MAP6: variants seen among roughly 807,000 people sequenced by gnomAD.
The protein encoded by MAP6 is microtubule-associated protein 6.
MAP6 carries 26 observed loss-of-function variants against 42.4 expected under a neutral mutation model. The observed-to-expected ratio is 0.61, with a 90% CI of 0.45 to 0.85. MAP6 has a LOEUF of 0.85. Among genes scored for constraint, MAP6 ranks in the 40% least tolerant of loss-of-function variants. The pLI is 0.00. For synonymous variants in MAP6, 418 were observed against 443.8 expected (o/e 0.94, Z 0.73); for missense variants, 966 against 1,099.0 (o/e 0.88, Z 1.71).
chr11:75,623,791 C>T (rs1943152248), intron 1 of MAP6, among the ~76,000 whole-genome samples: 1 of 152,186 alleles, frequency 6.6e-6, no homozygotes, highest in Admixed American at 6.5e-5. Context: ...CTCACTGCAA[C>T]TTCTGCCTCC....
In MAP6 at chr11:75,587,926, T is replaced by C; in HGVS notation, c.1575A>G (p.Pro525=). Reference sequence around the variant, plus strand: ...GGACCGAGGGACCTTGGTCCTTGACTGGTGCTGAGATAACAGGGCTTTCAT... The same window carrying C: ...GGACCGAGGGACCTTGGTCCTTGACCGGTGCTGAGATAACAGGGCTTTCAT... ...LKNESPVISA[P]VKDQGPSVPV... Residue 525 remains proline (P), a synonymous_variant, in exon 4 of 4, where the codon CCA becomes CCG. Coordinates refer to ENST00000304771, the MANE Select transcript of MAP6 (RefSeq NM_033063.2). The C allele has an allele frequency of 6.2e-7, 1 of 1,614,090 alleles. No homozygotes were observed. The highest frequency in any genetic ancestry group is 1.3e-5 in the African/African-American group (1 of 75,030).
At chr11:75,663,126 TAATTTTTTGTATTTTTAGTAC>T (rs1943885372) in intron 1 of MAP6, among the ~76,000 whole-genome samples, 3 of 151,944 alleles carry the variant, frequency 2.0e-5, no homozygotes, top group Non-Finnish European at 4.4e-5. Context: ...CACGCCCGGC[TAATTTTTTGTATTTTTAGTAC>T]AATTTTTTGT....
chr11:75,597,247 A>G (rs927869260), intron 3 of MAP6: 6 of 152,078 alleles, frequency 3.9e-5, no homozygotes, highest in African/African-American at 1.4e-4. Flanking sequence ...TTTCCCTGCC[A>G]CTCTGGGTTC....
chr11:75,662,258 TACCTC>T (rs1943864635), intron 1 of MAP6, among the ~76,000 whole-genome samples: 1 of 152,140 alleles, frequency 6.6e-6, no homozygotes. Flanking sequence ...ATTCAATACT[TACCTC>T]ACTCCATTCA....
Position 75,667,546 on chromosome 11 carries a change from G to C in MAP6, c.824C>G (p.Ala275Gly). 6.7e-7 allele frequency: 1 copy of C among 1,488,140 alleles called. No individual in the cohort carries two copies. The highest frequency in any genetic ancestry group is 8.9e-7 in the Non-Finnish European group (1 of 1,126,996). 92.2% of individuals were successfully genotyped at this position (1,488,140 alleles called of 1,614,324 possible). The change falls in exon 1 of 4, where the codon GCT (alanine) becomes GGT (glycine). Residue 275 changes from alanine to glycine, a missense_variant. By Grantham distance (60) the Ala-to-Gly change is moderately conservative. Transcript: ENST00000304771. This position sits in a 1 kb window ranked among gnomAD's most constrained non-coding sequence, Gnocchi z 5.6. ...GTCCGCCGCGGCGCGCCCCCTGCCA[G>C]CCTCGGGGCCGGTGGCCTGGACCTG... ...QAQVQATGPEAGRGRAAADAL... is the reference protein window; with the variant it reads ...QAQVQATGPEGGRGRAAADAL...
intron 1 of MAP6, among the ~76,000 whole-genome samples, chr11:75,633,421 T>C (rs1490812870): frequency 6.6e-6 from 1 of 152,200 alleles, no homozygotes; most frequent in East Asian, 1.9e-4. Context: ...CACTCATTAA[T>C]TTGTTTAACA....
rs41464948 is a variant in MAP6, at chr11:75,616,667, G to T, written c.906-8345C>A. 0.016 allele frequency among the ~76,000 whole-genome samples: 2,423 copies of T among 152,302 alleles called. 243 individuals carry two copies. In the East Asian group the frequency reaches 0.27, roughly 17 times the overall value. Reference sequence around the variant, plus strand: ...AGAGAGCTTCTGTCTCCTTTTAGAAGGTAGTGGAAGATTGCTTTCTCCTGG... The same window carrying T: ...AGAGAGCTTCTGTCTCCTTTTAGAATGTAGTGGAAGATTGCTTTCTCCTGG... On this transcript the variant is annotated intron_variant, in intron 1 of 3. Coordinates refer to ENST00000304771, the MANE Select transcript of MAP6 (RefSeq NM_033063.2).
chr11:75,588,882 T>C (rs1942423847), intron 3 of MAP6, among the ~76,000 whole-genome samples: 1 of 152,214 alleles, frequency 6.6e-6, no homozygotes, highest in Admixed American at 6.5e-5. Context: ...GGGGCCTCAC[T>C]ATGTCACCTA....
intron 1 of MAP6, among the ~76,000 whole-genome samples, chr11:75,632,860 G>A (rs995663170): frequency 2.6e-5 from 4 of 152,088 alleles, no homozygotes; most frequent in African/African-American, 9.7e-5. Flanking sequence ...AATTTTTACA[G>A]ATGGAAAAAA....
rs1319084132 is a variant in MAP6, at chr11:75,667,300, A to G, written c.905+165T>C. On this transcript the variant is annotated intron_variant, in intron 1 of 3. Transcript: ENST00000304771. The surrounding 1 kb of genome is among the most constrained non-coding windows in gnomAD (Gnocchi z 5.6). ...TTGCGCATGGGACAGGGCAGAAGAG[A>G]AGGCTTCGACAGGAGGTGGCCTGGG... is the stretch of plus-strand genomic sequence containing the variant. Among the ~76,000 whole-genome samples the G allele has an allele frequency of 6.6e-6, 1 of 152,082 alleles. No homozygotes were observed. The highest frequency in any genetic ancestry group is 2.4e-5 in the African/African-American group (1 of 41,422).
At position 75,668,466 on chromosome 11, in the gene MAP6, G is replaced by A; in HGVS notation, c.-97C>T. 1 of 1,395,714 alleles carries A rather than the reference G, an allele frequency of 7.2e-7. No homozygotes were observed. Among genetic ancestry groups the A allele is most frequent in the Non-Finnish European group, 9.3e-7 (1 of 1,075,056 alleles). 86.5% of individuals were successfully genotyped at this position (1,395,714 alleles called of 1,614,324 possible). Reference sequence around the variant, plus strand: ...GCCTCCGATCCTGACCGGCCAATGTGGTTCCCACCGTTTTCTACCCCCGAT... The same window carrying A: ...GCCTCCGATCCTGACCGGCCAATGTAGTTCCCACCGTTTTCTACCCCCGAT... On this transcript the variant is annotated 5_prime_UTR_variant, in exon 1 of 4. Coordinates refer to ENST00000304771, the MANE Select transcript of MAP6 (RefSeq NM_033063.2).
Position 75,667,929 on chromosome 11 carries a change from G to A in MAP6, c.441C>T (p.Asp147=), listed in dbSNP as rs1381889667. Residue 147 remains aspartate (D), a synonymous_variant, in exon 1 of 4, where the codon GAC becomes GAT. Transcript: ENST00000304771. The surrounding 1 kb of genome is among the most constrained non-coding windows in gnomAD (Gnocchi z 5.6). ...ACTGGGTCTCGCGCTCGAAGGGAGC[G>A]TCGGAGGGCTGGTATTCGCTGCGCG... ...CRPRSEYQPS[D]APFERETQYQ... 3.6e-6 allele frequency: 5 copies of A among 1,391,284 alleles called. No homozygotes were observed. The highest frequency in any genetic ancestry group is 1.5e-5 in the African/African-American group (1 of 67,336). The allele number at this position is 1,391,284 out of a possible 1,614,324, so 86.2% of individuals were successfully genotyped here. A position where few individuals can be genotyped will look rare whatever the true frequency, so the allele number is the denominator to read the frequency against.
intron 1 of MAP6, among the ~76,000 whole-genome samples, chr11:75,608,881 C>T (rs1336062754): frequency 6.6e-6 from 1 of 152,184 alleles, no homozygotes; most frequent in Non-Finnish European, 1.5e-5. Context: ...TCTTGGAGGG[C>T]CAGAACTTTA....
intron 1 of MAP6, among the ~76,000 whole-genome samples, chr11:75,659,283 A>T (rs1273709077): frequency 6.6e-6 from 1 of 152,158 alleles, no homozygotes; most frequent in Admixed American, 6.5e-5. Flanking sequence ...GGAGTTCGAG[A>T]CCAGCCTGAC....
intron 3 of MAP6, chr11:75,605,568 G>A (rs1942746828): frequency 3.8e-6 from 5 of 1,299,808 alleles, no homozygotes; most frequent in Middle Eastern, 3.0e-4. Flanking sequence ...CACAGCCAGC[G>A]GCAACGCTTC....
chr11:75,637,846 GGGAAGGAAGGAA>G (rs922127980), intron 1 of MAP6, among the ~76,000 whole-genome samples: 13 of 141,602 alleles, frequency 9.2e-5, no homozygotes, highest in African/African-American at 2.9e-4. Context: ...GAAGGAGGGA[GGGAAGGAAGGAA>G]GGAGGGAGGG....
At chr11:75,607,481 A>T (rs1183440606) in intron 2 of MAP6, 12 of 985,338 alleles carry the variant, frequency 1.2e-5, no homozygotes, top group Non-Finnish European at 1.3e-5. Flanking sequence ...AGGTGGAGGA[A>T]TGTTACCTTA....
At chr11:75,633,010 CTT>C (rs57493803) in intron 1 of MAP6, among the ~76,000 whole-genome samples, 35 of 137,906 alleles carry the variant, frequency 2.5e-4, no homozygotes, top group South Asian at 4.7e-4. Context: ...TTTCTTTTTT[CTT>C]TTTTTTTTTT....
intron 1 of MAP6, among the ~76,000 whole-genome samples, chr11:75,666,623 G>C (rs1024239563): frequency 6.6e-6 from 1 of 152,222 alleles, no homozygotes; most frequent in Non-Finnish European, 1.5e-5. Context: ...ACCACTATGT[G>C]CTAGGCACGA....
Sources: gnomAD v4.1 joint callset for allele counts (sites outside exome capture counted in the v4.1 genomes callset) on GRCh38, gnomAD v4.1.1 for gene constraint, Gnocchi (gnomAD v3.1) non-coding constraint, MANE v1.5 for transcripts, NCBI Gene and HGNC (gene_info 2026-07-23, HGNC 2026-07-21) for gene names.